GABRR3: variants seen among roughly 807,000 people sequenced by gnomAD.
GABRR3 encodes the protein gamma-aminobutyric acid type A receptor subunit rho3.
Under a neutral mutation model 43.2 loss-of-function variants are expected in GABRR3, and 29 were observed. That is an observed-to-expected ratio of 0.67 (90% CI 0.50 to 0.92). The LOEUF is 0.92. Among genes scored for constraint, GABRR3 ranks in the 40% least tolerant of loss-of-function variants. The probability of loss-of-function intolerance (pLI) is 0.00; values close to 1 mark genes in which losing one functional copy is unlikely to be tolerated. For synonymous variants in GABRR3, 206 were observed against 195.9 expected, an observed-to-expected ratio of 1.05 and a Z score of -0.43; for missense variants, 576 against 572.3, an observed-to-expected ratio of 1.01 and a Z score of -0.07.
At chr3:98,020,720 A>G (rs1312333215) in intron 3 of GABRR3, among the ~76,000 whole-genome samples, 2 of 152,084 alleles carry the variant, frequency 1.3e-5, no homozygotes, top group African/African-American at 4.8e-5. Context: ...TAGCTTGTCT[A>G]TTAGGAATGG....
chr3:98,012,247 A>T (rs1369269315), intron 5 of GABRR3, 97 bp downstream of exon 5: 3 of 840,208 alleles, frequency 3.6e-6, no homozygotes, highest in Non-Finnish European at 5.7e-6. Flanking sequence ...TTAAACAGAC[A>T]GCAACATTGT....
chr3:97,997,389 A>T (rs1268937548), intron 8 of GABRR3: 1 of 152,228 alleles, frequency 6.6e-6, no homozygotes, highest in Non-Finnish European at 1.5e-5. Context: ...TGAAAGATCA[A>T]AATACTGAAA....
intron 5 of GABRR3, among the ~76,000 whole-genome samples, chr3:98,011,805 G>A (rs1348293512): frequency 2.0e-5 from 3 of 152,046 alleles, no homozygotes; most frequent in Non-Finnish European, 4.4e-5. Context: ...AATATGCACA[G>A]AACTCATTTG....
At chr3:98,029,320 T>A (rs771293599) in intron 2 of GABRR3, among the ~76,000 whole-genome samples, 1 of 152,160 alleles carries the variant, frequency 6.6e-6, no homozygotes, top group Non-Finnish European at 1.5e-5. Flanking sequence ...TGCTCCCTCT[T>A]CTCAGTGTCA....
chr3:97,995,819 C>T (rs1038030404), intron 8 of GABRR3, among the ~76,000 whole-genome samples: 11 of 152,146 alleles, frequency 7.2e-5, no homozygotes, highest in African/African-American at 2.7e-4. Context: ...AGTTAATATC[C>T]CAATAAAGGA....
Position 97,987,570 on chromosome 3 carries a change from G to A in GABRR3, c.1105-588C>T, listed in dbSNP as rs565264802. On this transcript the variant is annotated intron_variant, in intron 9 of 9. Coordinates refer to ENST00000621172, the Ensembl canonical transcript of GABRR3. ...GAACAAATAGAGAGAGGCTACTATC[G>A]GATGAAATTATTCAGAATTCAAATT... is the stretch of plus-strand genomic sequence containing the variant. 5.0e-4 allele frequency among the ~76,000 whole-genome samples: 76 copies of A among 152,176 alleles called. 1 individual carries two copies. The South Asian group carries it at 0.011, about 21-fold the overall frequency.
intron 2 of GABRR3, among the ~76,000 whole-genome samples, chr3:98,027,361 A>G (rs1167696190): frequency 6.6e-6 from 1 of 152,238 alleles, no homozygotes; most frequent in Non-Finnish European, 1.5e-5. Context: ...TAATAAATCT[A>G]ACTACTTGTT....
intron 9 of GABRR3, among the ~76,000 whole-genome samples, chr3:97,989,358 G>A (rs901965062): frequency 4.0e-5 from 6 of 150,876 alleles, no homozygotes; most frequent in Admixed American, 3.3e-4. Flanking sequence ...TGAGTGGGTG[G>A]TGTGTGGTGG....
chr3:98,025,924 A>T (rs1252483719), intron 2 of GABRR3, among the ~76,000 whole-genome samples: 1 of 152,234 alleles, frequency 6.6e-6, no homozygotes, highest in East Asian at 1.9e-4. Flanking sequence ...TTTAATGCAC[A>T]AACTCATATT....
chr3:98,001,703 T>C, exon 8 of GABRR3: 1 of 1,613,328 alleles, frequency 6.2e-7, no homozygotes, highest in Non-Finnish European at 8.5e-7. Flanking sequence ...GGAAATAGGT[T>C]TGCAGCACAA....
chr3:98,012,283 C>G, intron 5 of GABRR3, 61 bp downstream of exon 5: 1 of 1,210,504 alleles, frequency 8.3e-7, no homozygotes, highest in Non-Finnish European at 1.2e-6. Flanking sequence ...TAAGCATCAT[C>G]AGCTTTGGTG....
At chr3:97,997,716 C>T (rs919599537) in intron 8 of GABRR3, 3 of 152,092 alleles carry the variant, frequency 2.0e-5, no homozygotes. Flanking sequence ...TCTGAAACAC[C>T]GTGATGAACA....
exon 3 of GABRR3, chr3:98,025,652 A>T (rs978563978): frequency 1.2e-6 from 2 of 1,611,858 alleles, no homozygotes; most frequent in Non-Finnish European, 1.7e-6. Context: ...TGGTACTGTC[A>T]TCTTTCTTCA....
chr3:98,012,561 T>C (rs1247747762), exon 5 of GABRR3: 4 of 1,610,504 alleles, frequency 2.5e-6, no homozygotes, highest in Non-Finnish European at 2.5e-6. Context: ...AAAGTCATTG[T>C]AAAGTCCTAG....
At chr3:98,011,681 G>A (rs1409173924) in intron 5 of GABRR3, among the ~76,000 whole-genome samples, 1 of 151,610 alleles carries the variant, frequency 6.6e-6, no homozygotes, top group African/African-American at 2.4e-5. Context: ...TATCTTTTGG[G>A]GTATCATTTC....
At chr3:98,016,228 G>C (rs899574863) in intron 4 of GABRR3, among the ~76,000 whole-genome samples, 1 of 152,156 alleles carries the variant, frequency 6.6e-6, no homozygotes, top group Non-Finnish European at 1.5e-5. Flanking sequence ...GAGGTATTTA[G>C]GTCTTGACGG....
At chr3:97,988,819 G>A (rs9813695) in intron 9 of GABRR3, among the ~76,000 whole-genome samples, 29,004 of 151,334 alleles carry the variant, frequency 0.19, 2,839 homozygotes, top group Middle Eastern at 0.24. Context: ...GTGGGTGGCG[G>A]TAAGTGGTGG....
chr3:98,018,514 C>T (rs1305320973), intron 3 of GABRR3, among the ~76,000 whole-genome samples: 1 of 152,120 alleles, frequency 6.6e-6, no homozygotes, highest in Non-Finnish European at 1.5e-5. Flanking sequence ...CCAACAGAAT[C>T]CAGACTAGAC....
intron 7 of GABRR3, among the ~76,000 whole-genome samples, chr3:98,002,061 G>A (rs1012770675): frequency 6.6e-6 from 1 of 152,038 alleles, no homozygotes; most frequent in Non-Finnish European, 1.5e-5. Context: ...ACAATATATT[G>A]TATTGTGGCG....
Sources: allele counts gnomAD v4.1 joint callset (sites outside exome capture counted in the v4.1 genomes callset), GRCh38; gene constraint gnomAD v4.1.1; transcripts MANE v1.5; gene names NCBI Gene and HGNC (gene_info 2026-07-23, HGNC 2026-07-21).